The following OSBPL1A variants were observed in gnomAD, a reference collection of about 807,000 sequenced individuals.
OSBPL1A encodes oxysterol binding protein like 1A, also known as oxysterol-binding protein-related protein 1.
OSBPL1A carries 80 observed loss-of-function variants against 137.1 expected under a neutral mutation model. The ratio of observed to expected loss-of-function variants is 0.58; its 90% CI spans 0.49 to 0.70. The LOEUF is 0.70. OSBPL1A is among the 30% of genes least tolerant of loss of function. OSBPL1A has a pLI of 0.00. For synonymous variants in OSBPL1A, 365 were observed against 389.7 expected (o/e 0.94, Z 0.75); for missense variants, 970 against 1,129.4 (o/e 0.86, Z 2.02).
chr18:24,261,690 G>A lies in OSBPL1A; in HGVS notation c.1281+19152C>T, dbSNP rs150845529. ...TCTATAAAAAATACAAAAATGAGCCGGGTGTGGTGGTGCATGCCTGTGGTC... is the reference window on the plus strand; with the variant it reads ...TCTATAAAAAATACAAAAATGAGCCAGGTGTGGTGGTGCATGCCTGTGGTC... On this transcript the variant is annotated intron_variant, in intron 15 of 27. Transcript: ENST00000319481. Among the ~76,000 whole-genome samples, 1,235 of 151,998 alleles carry A rather than the reference G, an allele frequency of 8.1e-3. 19 individuals carry two copies. Among genetic ancestry groups the A allele is most frequent in the African/African-American group, 0.028 (1,172 of 41,434 alleles).
At chr18:24,233,641 TTCTCTC>T (rs904878076) in intron 16 of OSBPL1A, among the ~76,000 whole-genome samples, 1 of 151,568 alleles carries the variant, frequency 6.6e-6, no homozygotes, top group African/African-American at 2.4e-5. Flanking sequence ...CTTTCTCTCT[TTCTCTC>T]TCTCTCTCTT....
chr18:24,275,458 C>T (rs1005725967), intron 15 of OSBPL1A, among the ~76,000 whole-genome samples: 5 of 152,064 alleles, frequency 3.3e-5, no homozygotes, highest in South Asian at 2.1e-4. Flanking sequence ...AGGCCAGAGA[C>T]GGGTGCAGGC....
At chr18:24,340,454 G>A (rs117600387) in intron 5 of OSBPL1A, among the ~76,000 whole-genome samples, 10,000 of 152,042 alleles carry the variant, frequency 0.066, 408 homozygotes, top group Middle Eastern at 0.095. Context: ...TGGGAGGATC[G>A]CTTGAGACCA....
chr18:24,376,677 G>C (rs1361344661), intron 2 of OSBPL1A, among the ~76,000 whole-genome samples: 1 of 152,252 alleles, frequency 6.6e-6, no homozygotes, highest in Non-Finnish European at 1.5e-5. Context: ...CCCATGGAGG[G>C]GGTGGGAGGC....
intron 5 of OSBPL1A, among the ~76,000 whole-genome samples, chr18:24,334,735 C>T (rs1008904221): frequency 7.2e-5 from 11 of 152,136 alleles, no homozygotes; most frequent in Non-Finnish European, 1.2e-4. Flanking sequence ...TATATGCAGA[C>T]ATACCAATTT....
chr18:24,243,743 T>A (rs1454583319), intron 15 of OSBPL1A, among the ~76,000 whole-genome samples: 1 of 152,228 alleles, frequency 6.6e-6, no homozygotes, highest in Non-Finnish European at 1.5e-5. Flanking sequence ...TTTGTTTTCA[T>A]CTTTCAATTG....
At chr18:24,355,223 C>T (rs944946035) in intron 4 of OSBPL1A, among the ~76,000 whole-genome samples, 8 of 151,956 alleles carry the variant, frequency 5.3e-5, no homozygotes, top group African/African-American at 1.9e-4. Flanking sequence ...ATCTAGCATG[C>T]CCACTTATTA....
intron 14 of OSBPL1A, among the ~76,000 whole-genome samples, chr18:24,287,495 A>T: frequency 6.6e-6 from 1 of 152,152 alleles, no homozygotes; most frequent in East Asian, 1.9e-4. Flanking sequence ...GAAGTAGGCC[A>T]GGCATGGTGG....
At position 24,389,072 on chromosome 18, in the gene OSBPL1A, T is replaced by A. The variant is rs144584913; in HGVS notation, c.-3+8583A>T. ...GAGCTTATTCCAGAAAAGCGCTTTG[T>A]CTCTGATGTTTAAGCCAAAAGAAGA... On this transcript the variant is annotated intron_variant, in intron 1 of 27. Transcript: ENST00000319481. 2.6e-3 allele frequency among the ~76,000 whole-genome samples: 394 copies of A among 152,282 alleles called. 1 individual carries two copies. The highest frequency in any genetic ancestry group is 4.6e-3 in the Admixed American group (71 of 15,288).
chr18:24,166,812 G>C (rs2086155112), intron 25 of OSBPL1A, 110 bp from the exon 26 acceptor site: 1 of 1,101,520 alleles, frequency 9.1e-7, no homozygotes, highest in African/African-American at 1.6e-5. Flanking sequence ...CCCTTTCATG[G>C]TAACAATGGT....
intron 17 of OSBPL1A, among the ~76,000 whole-genome samples, chr18:24,216,253 C>T (rs772337181): frequency 2.8e-4 from 42 of 152,226 alleles, no homozygotes; most frequent in Non-Finnish European, 5.1e-4. Context: ...CACCTGTAAT[C>T]CCAGCACTTT....
intron 14 of OSBPL1A, among the ~76,000 whole-genome samples, chr18:24,292,963 G>A (rs1008857677): frequency 1.2e-4 from 18 of 151,840 alleles, no homozygotes; most frequent in African/African-American, 3.6e-4. Flanking sequence ...AAAATTAGCC[G>A]GGTGTGGTGG....
At chr18:24,270,731 A>G (rs1382934405) in intron 15 of OSBPL1A, among the ~76,000 whole-genome samples, 1 of 152,140 alleles carries the variant, frequency 6.6e-6, no homozygotes, top group Non-Finnish European at 1.5e-5. Flanking sequence ...GTTTGTATTT[A>G]GACACCCCCC....
chr18:24,178,004 A>C lies in OSBPL1A; in HGVS notation c.2093+9T>G, dbSNP rs2086494202. 1 of 1,611,170 alleles carries C rather than the reference A, an allele frequency of 6.2e-7. No individual in the cohort carries two copies. Among genetic ancestry groups the C allele is most frequent in the African/African-American group, 1.3e-5 (1 of 74,990 alleles). On this transcript the variant is annotated intron_variant, in intron 21 of 27. Transcript: ENST00000319481. ...ATGAAAAGAGTGTAATGGCTTGATCAGAACTCACTCAAGGAGCTCCAAGGT... is the reference window on the plus strand; with the variant it reads ...ATGAAAAGAGTGTAATGGCTTGATCCGAACTCACTCAAGGAGCTCCAAGGT...
chr18:24,337,744 C>T (rs1160603927), intron 5 of OSBPL1A, among the ~76,000 whole-genome samples: 4 of 151,494 alleles, frequency 2.6e-5, no homozygotes, highest in South Asian at 4.2e-4. Context: ...ATTTGGACAA[C>T]TGGCTAAATC....
intron 12 of OSBPL1A, among the ~76,000 whole-genome samples, chr18:24,313,762 T>C (rs1187715472): frequency 1.3e-5 from 2 of 152,180 alleles, no homozygotes; most frequent in African/African-American, 4.8e-5. Context: ...AGGTACATGT[T>C]GATAAAGAAC....
chr18:24,200,678 T>C (rs920813060), intron 17 of OSBPL1A, among the ~76,000 whole-genome samples: 17 of 152,180 alleles, frequency 1.1e-4, no homozygotes, highest in Admixed American at 5.9e-4. Flanking sequence ...TGGATCTCTG[T>C]GATTACTTCT....
At chr18:24,318,889 TA>T in intron 7 of OSBPL1A, 80 bp from the exon 8 acceptor site, 1 of 1,143,344 alleles carries the variant, frequency 8.7e-7, no homozygotes, top group Non-Finnish European at 1.3e-6. Flanking sequence ...CAGCATCTAA[TA>T]GTCCTTCATT....
intron 4 of OSBPL1A, among the ~76,000 whole-genome samples, chr18:24,354,897 C>T (rs1298660397): frequency 2.5e-4 from 38 of 152,084 alleles, no homozygotes. Context: ...CCCACTGTTC[C>T]CTGCTGAACC....
Sources: gnomAD v4.1 joint callset for allele counts (sites outside exome capture counted in the v4.1 genomes callset) on GRCh38, gnomAD v4.1.1 for gene constraint, MANE v1.5 for transcripts, NCBI Gene and HGNC (gene_info 2026-07-23, HGNC 2026-07-21) for gene names.